Variants in XKR9 observed in about 807,000 individuals in gnomAD.
The protein encoded by XKR9 is XK-related protein 9.
Under a neutral mutation model 32.0 loss-of-function variants are expected in XKR9, and 32 were observed. The ratio of observed to expected loss-of-function variants is 1.00; its 90% CI spans 0.76 to 1.34. The LOEUF (loss-of-function observed/expected upper bound fraction) is 1.34. Ranked by LOEUF, XKR9 falls within the 40% of genes most tolerant of loss-of-function variation. The pLI is 0.00. For synonymous variants in XKR9, 168 were observed against 143.4 expected (o/e 1.17, Z -1.22); for missense variants, 546 against 429.7 (o/e 1.27, Z -2.39).
the XKR9 span, among the ~76,000 whole-genome samples, chr8:70,880,669 T>A: frequency 6.6e-6 from 1 of 152,094 alleles, no homozygotes; most frequent in Non-Finnish European, 1.5e-5. Flanking sequence ...ATAGGAAGAA[T>A]CAATATCATG....
the XKR9 span, among the ~76,000 whole-genome samples, chr8:70,894,362 G>A: frequency 1.9e-4 from 29 of 152,116 alleles, no homozygotes; most frequent in East Asian, 5.8e-4. Flanking sequence ...GTCACAGTTC[G>A]GTCTAAAGGG....
chr8:70,742,514 G>C, intron 2 of XKR9, among the ~76,000 whole-genome samples: 1 of 152,264 alleles, frequency 6.6e-6, no homozygotes, highest in East Asian at 1.9e-4. Context: ...AGATTTAAAT[G>C]TCTATGTGTT....
chr8:70,914,273 TC>T, the XKR9 span, among the ~76,000 whole-genome samples: 1 of 152,192 alleles, frequency 6.6e-6, no homozygotes, highest in Non-Finnish European at 1.5e-5. Flanking sequence ...GATTTCTGCA[TC>T]ATAGCAGATA....
the XKR9 span, among the ~76,000 whole-genome samples, chr8:70,942,581 T>C: frequency 6.6e-6 from 1 of 152,154 alleles, no homozygotes; most frequent in East Asian, 1.9e-4. Context: ...CACCACAGTT[T>C]CACTTACGAG....
At chr8:70,741,639 A>G (rs1394299660) in intron 2 of XKR9, among the ~76,000 whole-genome samples, 1 of 152,052 alleles carries the variant, frequency 6.6e-6, no homozygotes, top group Non-Finnish European at 1.5e-5. Context: ...CCATTCATTC[A>G]TTGATGAATG....
intron 4 of XKR9, among the ~76,000 whole-genome samples, chr8:70,730,053 A>T (rs933090001): frequency 3.3e-5 from 5 of 152,196 alleles, no homozygotes; most frequent in African/African-American, 1.2e-4. Flanking sequence ...AACTTGAAAA[A>T]AATATATTTT....
chr8:71,050,258 T>TATATATAG, the XKR9 span, among the ~76,000 whole-genome samples: 82 of 106,616 alleles, frequency 7.7e-4, no homozygotes, highest in Non-Finnish European at 1.2e-3. Flanking sequence ...TATATATATA[T>TATATATAG]ATAGATAGAT....
the XKR9 span, among the ~76,000 whole-genome samples, chr8:70,979,315 G>T: frequency 6.6e-6 from 1 of 152,166 alleles, no homozygotes; most frequent in Non-Finnish European, 1.5e-5. Flanking sequence ...AGGAGAAGGG[G>T]TGCTGGGTTT....
At chr8:70,788,622 A>T (rs1411897259) in intron 2 of XKR9, among the ~76,000 whole-genome samples, 1 of 152,130 alleles carries the variant, frequency 6.6e-6, no homozygotes, top group African/African-American at 2.4e-5. Context: ...AGTTTCAAAC[A>T]GTGATTAAAA....
At chr8:70,978,200 T>C in the XKR9 span, among the ~76,000 whole-genome samples, 1 of 152,188 alleles carries the variant, frequency 6.6e-6, no homozygotes, top group Non-Finnish European at 1.5e-5. Flanking sequence ...TTTGCCAGTC[T>C]GTGTCTTTTA....
At chr8:70,869,281 C>T in the XKR9 span, among the ~76,000 whole-genome samples, 1 of 152,102 alleles carries the variant, frequency 6.6e-6, no homozygotes, top group African/African-American at 2.4e-5. Context: ...TAAAGACATA[C>T]CCAAGACTAG....
the XKR9 span, among the ~76,000 whole-genome samples, chr8:70,999,183 T>A: frequency 6.6e-6 from 1 of 152,298 alleles, no homozygotes; most frequent in African/African-American, 2.4e-5. Flanking sequence ...TTACATTGAA[T>A]AGGTATCAGA....
rs185676898 is a variant in XKR9 at position 70,691,046 on chromosome 8, C to A, written c.272+9716C>A. On this transcript the variant is annotated intron_variant, in intron 3 of 4. Transcript: ENST00000408926. ...GACACCAACAGTGTAAAAGGGTTCC[C>A]TTTTCTCCACAACCTCGCCAGCATC... Among the ~76,000 whole-genome samples the A allele has an allele frequency of 5.5e-4, 84 of 152,144 alleles. 1 individual carries two copies. The highest frequency in any genetic ancestry group is 6.9e-4 in the Non-Finnish European group (47 of 67,970).
intron 2 of XKR9, among the ~76,000 whole-genome samples, chr8:70,741,829 G>T (rs1474346267): frequency 2.0e-5 from 3 of 152,146 alleles, no homozygotes; most frequent in South Asian, 2.1e-4. Context: ...TCAGAAGTAG[G>T]ATTTCTTGAT....
At chr8:71,000,109 A>C in the XKR9 span, among the ~76,000 whole-genome samples, 1 of 152,228 alleles carries the variant, frequency 6.6e-6, no homozygotes, top group Non-Finnish European at 1.5e-5. Context: ...GTTGTTTCAC[A>C]TCAAATTAGA....
chr8:70,850,178 G>T, the XKR9 span, among the ~76,000 whole-genome samples: 1 of 151,722 alleles, frequency 6.6e-6, no homozygotes, highest in East Asian at 1.9e-4. Flanking sequence ...AGAAAATTTT[G>T]AGGCTGGGCA....
chr8:70,784,650 C>G (rs982976605), intron 2 of XKR9, among the ~76,000 whole-genome samples: 9 of 151,792 alleles, frequency 5.9e-5, no homozygotes, highest in African/African-American at 1.9e-4. Flanking sequence ...CAAACAGTGA[C>G]AGGTTTACTT....
At chr8:70,823,287 T>C in the XKR9 span, among the ~76,000 whole-genome samples, 3 of 152,218 alleles carry the variant, frequency 2.0e-5, no homozygotes, top group African/African-American at 7.2e-5. Flanking sequence ...AAGTAGTTAA[T>C]TCCTAAATTA....
At chr8:71,026,642 C>T in the XKR9 span, among the ~76,000 whole-genome samples, 68 of 152,292 alleles carry the variant, frequency 4.5e-4, no homozygotes, top group African/African-American at 1.6e-3. Context: ...TCCTGAGCAC[C>T]AAATAAACAA....
Sources: allele counts gnomAD v4.1 joint callset (sites outside exome capture counted in the v4.1 genomes callset), GRCh38; gene constraint gnomAD v4.1.1; transcripts MANE v1.5; gene names NCBI Gene and HGNC (gene_info 2026-07-23, HGNC 2026-07-21).